TFAP4: variants seen among roughly 807,000 people sequenced by gnomAD.
TFAP4 encodes the protein transcription factor AP-4.
TFAP4 carries 7 observed loss-of-function variants against 40.4 expected under a neutral mutation model. That is an observed-to-expected ratio of 0.17 (90% CI 0.10 to 0.33). The LOEUF is 0.33. Among genes scored for constraint, TFAP4 ranks in the 10% least tolerant of loss-of-function variants. The probability of loss-of-function intolerance (pLI) is 1.00; values close to 1 mark genes in which losing one functional copy is unlikely to be tolerated. For missense variants in TFAP4, 374 were observed against 451.1 expected, an observed-to-expected ratio of 0.83 and a Z score of 1.55; for synonymous variants, 218 against 181.4, an observed-to-expected ratio of 1.20 and a Z score of -1.62.
At chr16:4,270,203 T>G (rs537806277) in intron 1 of TFAP4, among the ~76,000 whole-genome samples, 1 of 152,282 alleles carries the variant, frequency 6.6e-6, no homozygotes, top group East Asian at 1.9e-4. Context: ...AGTGTCATTT[T>G]TACAGCTACC....
intron 1 of TFAP4, among the ~76,000 whole-genome samples, chr16:4,269,313 G>A (rs1708237373): frequency 6.6e-6 from 1 of 151,524 alleles, no homozygotes; most frequent in African/African-American, 2.4e-5. Flanking sequence ...CTAACACAGT[G>A]AAAGCCTGTC....
chr16:4,259,049 T>C (rs1049893092), intron 6 of TFAP4, among the ~76,000 whole-genome samples: 2 of 151,222 alleles, frequency 1.3e-5, no homozygotes, highest in African/African-American at 4.9e-5. Flanking sequence ...GATAGCACCA[T>C]TGCACTCCAG....
At chr16:4,269,055 T>C (rs2053019440) in intron 1 of TFAP4, among the ~76,000 whole-genome samples, 1 of 151,942 alleles carries the variant, frequency 6.6e-6, no homozygotes, top group African/African-American at 2.4e-5. Flanking sequence ...GCCGGGCTAA[T>C]TTTTTTATTT....
At chr16:4,272,093 C>A (rs898330512) in intron 1 of TFAP4, among the ~76,000 whole-genome samples, 1 of 151,174 alleles carries the variant, frequency 6.6e-6, no homozygotes, top group Admixed American at 6.6e-5. Flanking sequence ...GTCCGCCCAC[C>A]CCCAACACCC....
intron 1 of TFAP4, among the ~76,000 whole-genome samples, 156 bp downstream of exon 1, chr16:4,272,502 C>T (rs1201429542): frequency 6.6e-6 from 1 of 151,768 alleles, no homozygotes; most frequent in East Asian, 2.0e-4. Context: ...CGGGGCGGCG[C>T]GGACCCGGCG....
At chr16:4,258,415 C>G in intron 6 of TFAP4, 166 bp from the exon 7 acceptor site, 2 of 613,716 alleles carry the variant, frequency 3.3e-6, no homozygotes, top group African/African-American at 1.9e-5. Context: ...AAACAAACTC[C>G]TTTTACTTTT....
chr16:4,262,720 ACAGGCTCGGCCAAGGCGCCCTCTTCAT>A lies in TFAP4; in HGVS notation c.90-46_90-20del, dbSNP rs1372749577. Reference sequence around the variant, plus strand: ...GGCAAGGCTGCCAGAGAGGACAGGGACAGGCTCGGCCAAGGCGCCCTCTTCATCATTCATCTCCAGAGGGCCCCAGTG... The same window carrying A: ...GGCAAGGCTGCCAGAGAGGACAGGGACATTCATCTCCAGAGGGCCCCAGTG... On this transcript the variant is annotated intron_variant, in intron 1 of 6. Coordinates refer to ENST00000204517, the MANE Select transcript of TFAP4 (RefSeq NM_003223.3). 1.2e-6 allele frequency: 2 copies of A among 1,604,150 alleles called. No individual in the cohort carries two copies. The highest frequency in any genetic ancestry group is 1.7e-5 in the Admixed American group (1 of 59,832).
At chr16:4,261,426 C>T (rs535563085) in intron 4 of TFAP4, among the ~76,000 whole-genome samples, 3 of 151,502 alleles carry the variant, frequency 2.0e-5, no homozygotes, top group East Asian at 1.9e-4. Flanking sequence ...ACTACAGGCA[C>T]CCACCACCAC....
chr16:4,269,276 G>C (rs976820549), intron 1 of TFAP4, among the ~76,000 whole-genome samples: 1 of 150,448 alleles, frequency 6.6e-6, no homozygotes, highest in Non-Finnish European at 1.5e-5. Context: ...GGCAGATCAC[G>C]AGGTCAGGAG....
intron 1 of TFAP4, among the ~76,000 whole-genome samples, chr16:4,272,324 G>T (rs1446657415): frequency 6.6e-6 from 1 of 152,094 alleles, no homozygotes; most frequent in Non-Finnish European, 1.5e-5. Context: ...GCAGGAGGGG[G>T]AAAGAGGAAG....
chr16:4,272,915 G>A lies in TFAP4; in HGVS notation c.-169C>T. ...GGGAGGGAGGCGGGCGGGAGGGGCGGGAGGGAGGTCTCTCCGGCCTGCCTC... is the reference window on the plus strand; with the variant it reads ...GGGAGGGAGGCGGGCGGGAGGGGCGAGAGGGAGGTCTCTCCGGCCTGCCTC... On this transcript the variant is annotated 5_prime_UTR_variant, in exon 1 of 7. Transcript: ENST00000204517. 1 of 475,934 alleles carries A rather than the reference G, an allele frequency of 2.1e-6. No individual in the cohort carries two copies. The highest frequency in any genetic ancestry group is 4.0e-5 in the East Asian group (1 of 25,166). 29.5% of individuals were successfully genotyped at this position (475,934 alleles called of 1,614,324 possible).
intron 1 of TFAP4, chr16:4,266,374 G>A (rs1045844120): frequency 1.3e-5 from 2 of 152,228 alleles, no homozygotes; most frequent in African/African-American, 4.8e-5. Flanking sequence ...TTAAATCCAA[G>A]AAAGCAAATT....
In TFAP4 at chr16:4,257,955, T is replaced by A; in HGVS notation, c.*100A>T. 1 of 1,195,454 alleles carries A rather than the reference T, an allele frequency of 8.4e-7. No individual in the cohort carries two copies. The highest frequency in any genetic ancestry group is 1.2e-6 in the Non-Finnish European group (1 of 861,720). The allele number at this position is 1,195,454 out of a possible 1,614,324, so 74.1% of individuals were successfully genotyped here. A position where few individuals can be genotyped will look rare whatever the true frequency, so the allele number is the denominator to read the frequency against. On this transcript the variant is annotated 3_prime_UTR_variant, in exon 7 of 7. Transcript: ENST00000204517. ...CATAAAAGAGACCCAAATGACATCG[T>A]AATTTTGTAAAAATTTCTCACTCAT... is the stretch of plus-strand genomic sequence containing the variant.
intron 6 of TFAP4, among the ~76,000 whole-genome samples, chr16:4,259,679 C>A (rs1019779463): frequency 1.3e-5 from 2 of 152,180 alleles, no homozygotes; most frequent in African/African-American, 4.8e-5. Context: ...AAAGCTTCCT[C>A]CTCTGTAGGA....
At chr16:4,268,070 G>T (rs771887464) in intron 1 of TFAP4, 1 of 152,160 alleles carries the variant, frequency 6.6e-6, no homozygotes, top group East Asian at 1.9e-4. Flanking sequence ...ACCAAGCCTC[G>T]GTTTCCTCCG....
chr16:4,262,274 C>A (rs763624896), intron 3 of TFAP4, 50 bp downstream of exon 3: 2 of 1,597,274 alleles, frequency 1.3e-6, no homozygotes, highest in African/African-American at 1.3e-5. Flanking sequence ...ATGGCTGGGT[C>A]CAAGGCATGC....
Position 4,260,521 on chromosome 16 carries a change from C to G in TFAP4, c.600G>C (p.Gln200His), listed in dbSNP as rs1238750440. 3.1e-6 allele frequency: 5 copies of G among 1,611,066 alleles called. No individual in the cohort carries two copies. Among genetic ancestry groups the G allele is most frequent in the Non-Finnish European group, 4.2e-6 (5 of 1,178,964 alleles). Reference protein sequence around the residue: ...VIAQQVQLQQQQEQVRLLHQE... With the variant: ...VIAQQVQLQQHQEQVRLLHQE... ...GGTGCAGCAGCCTCACCTGTTCCTG[C>G]TGCTGCTGCAGCTGCACCTGCTGCG... is the stretch of plus-strand genomic sequence containing the variant. Residue 200 changes from glutamine (Q) to histidine (H), a missense_variant, in exon 5 of 7, where the codon CAG (glutamine) becomes CAC (histidine). Physicochemically the swap from Gln to His is conservative, Grantham distance 24. Around this residue, in one of 6 missense-constraint regions of TFAP4, gnomAD observed 161 missense variants for 154.2 expected, o/e 1.04. Coordinates refer to ENST00000204517, the MANE Select transcript of TFAP4 (RefSeq NM_003223.3).
chr16:4,262,746 A>G (rs367668965), intron 1 of TFAP4, 45 bp from the exon 2 acceptor site: 233 of 1,590,532 alleles, frequency 1.5e-4, no homozygotes, highest in African/African-American at 2.0e-4. Context: ...CGCCCTCTTC[A>G]TCATTCATCT....
chr16:4,260,680 C>T, intron 4 of TFAP4, 85 bp from the exon 5 acceptor site: 1 of 1,458,168 alleles, frequency 6.9e-7, no homozygotes. Flanking sequence ...TTCACTCCTG[C>T]TGAAAACCCT....
Sources: allele counts gnomAD v4.1 joint callset (sites outside exome capture counted in the v4.1 genomes callset), GRCh38; gene constraint gnomAD v4.1.1; regional missense constraint gnomAD v4.1.1; transcripts MANE v1.5; gene names NCBI Gene and HGNC (gene_info 2026-07-23, HGNC 2026-07-21).